Variants in SOCS4 observed in about 807,000 individuals in gnomAD.
SOCS4 encodes SH2 domain containing SOCS box protein.
A neutral mutation model predicts 34.1 loss-of-function variants in SOCS4; 20 were observed. The ratio of observed to expected loss-of-function variants is 0.59; its 90% confidence interval spans 0.41 to 0.85. The LOEUF (loss-of-function observed/expected upper bound fraction) is 0.85. SOCS4 is among the 40% of genes least tolerant of loss of function. The probability of loss-of-function intolerance (pLI) is 0.00; values close to 1 mark genes in which losing one functional copy is unlikely to be tolerated. For synonymous variants in SOCS4, 180 were observed against 186.4 expected (o/e 0.97, Z 0.28); for missense variants, 479 against 532.4 (o/e 0.90, Z 0.99).
chr14:55,028,516 T>G (rs1352108377), intron 1 of SOCS4, among the ~76,000 whole-genome samples: 1 of 152,172 alleles, frequency 6.6e-6, no homozygotes, highest in Non-Finnish European at 1.5e-5. Flanking sequence ...GAGTTCAAGA[T>G]GAACTCTCAT....
Position 55,043,070 on chromosome 14 carries a change from A to C in SOCS4, c.29A>C (p.Lys10Thr). Residue 10 changes from lysine to threonine, a missense_variant, in exon 3 of 3, where the codon AAA becomes ACA. Transcript: ENST00000555846. ...GCAGAAAATAATGAAAATATTAGTA[A>C]AAATGTAGATGTAAGGCCCAAAACT... MAENNENIS[K>T]NVDVRPKTSR... The C allele has an allele frequency of 6.2e-7, 1 of 1,607,148 alleles. No homozygotes were observed. The highest frequency in any genetic ancestry group is 1.3e-5 in the African/African-American group (1 of 74,516).
rs1408607559 is a variant in SOCS4, at chr14:55,043,536, C to A, written c.495C>A (p.Asp165Glu). The A allele has an allele frequency of 1.2e-6, 2 of 1,614,026 alleles. No homozygotes were observed. The highest frequency in any genetic ancestry group is 1.7e-6 in the Non-Finnish European group (2 of 1,180,036). The change falls in exon 3 of 3, where the codon GAC becomes GAA. Residue 165 changes from aspartate (D) to glutamate (E), a missense_variant. Physicochemically the swap from Asp to Glu is conservative, Grantham distance 45. Transcript: ENST00000555846. ...AATCAGATGAATGGGTAAGCACAGA[C>A]TTGTCTCAGACTGAATTGAGGGATG... ...NSKSDEWVST[D>E]LSQTELRDGQ... is the part of the protein sequence containing the mutation.
At chr14:55,041,507 C>G (rs1349785129) in intron 2 of SOCS4, among the ~76,000 whole-genome samples, 1 of 151,248 alleles carries the variant, frequency 6.6e-6, no homozygotes. Context: ...AAGACAGAGT[C>G]TTGCTCTGTC....
chr14:55,030,201 T>C (rs1466795975), intron 1 of SOCS4, among the ~76,000 whole-genome samples: 11 of 152,166 alleles, frequency 7.2e-5, no homozygotes, highest in Admixed American at 7.2e-4. Flanking sequence ...TTTACTAATT[T>C]GTACGTAAAA....
intron 2 of SOCS4, among the ~76,000 whole-genome samples, chr14:55,040,562 G>A (rs1288944277): frequency 6.6e-6 from 1 of 152,102 alleles, no homozygotes; most frequent in East Asian, 1.9e-4. Flanking sequence ...GGCTAACACA[G>A]TGAAACCCCG....
Position 55,044,252 on chromosome 14 carries a change from A to G in SOCS4, c.1211A>G (p.Asp404Gly), listed in dbSNP as rs200297224. 8.7e-5 allele frequency: 141 copies of G among 1,613,946 alleles called. No individual in the cohort carries two copies. Among genetic ancestry groups the G allele is most frequent in the Non-Finnish European group, 1.1e-4 (127 of 1,179,954 alleles). The change falls in exon 3 of 3, where the codon GAT (aspartate) becomes GGT (glycine). Residue 404 changes from aspartate (D) to glycine (G), a missense_variant. Coordinates refer to ENST00000555846, the MANE Select transcript of SOCS4 (RefSeq NM_199421.2). ...GTTATTTGTAACTGTACAACTTATG[A>G]TGGCATCGATGCCCTTCCAATTCCT... ...RTVICNCTTY[D>G]GIDALPIPSS...
intron 1 of SOCS4, among the ~76,000 whole-genome samples, chr14:55,028,764 A>C (rs376280112): frequency 6.6e-6 from 1 of 152,176 alleles, no homozygotes; most frequent in Non-Finnish European, 1.5e-5. Flanking sequence ...TTTTGCATGT[A>C]TGGTAAAAGC....
chr14:55,041,792 T>G (rs1428741291), intron 2 of SOCS4, among the ~76,000 whole-genome samples: 1 of 106,982 alleles, frequency 9.3e-6, no homozygotes, highest in East Asian at 2.4e-4. Flanking sequence ...TCTTTTTTTT[T>G]TTTTTTTTTT....
intron 2 of SOCS4, among the ~76,000 whole-genome samples, chr14:55,039,908 G>A (rs2042602992): frequency 6.6e-6 from 1 of 151,854 alleles, no homozygotes; most frequent in African/African-American, 2.4e-5. Context: ...AAAAGAAAAA[G>A]AAAAAAAGAA....
chr14:55,040,731 G>A (rs1188308623), intron 2 of SOCS4, among the ~76,000 whole-genome samples: 2 of 151,602 alleles, frequency 1.3e-5, no homozygotes, highest in Non-Finnish European at 2.9e-5. Context: ...GCGACAGAGC[G>A]AGACTCCATC....
Position 55,048,586 on chromosome 14 carries a change from T to C in SOCS4, c.*4222T>C, listed in dbSNP as rs75743211. 0.037 allele frequency: 6,164 copies of C among 167,166 alleles called. 149 individuals carry two copies. The highest frequency in any genetic ancestry group is 0.062 in the South Asian group (299 of 4,826). 10.4% of individuals were successfully genotyped at this position (167,166 alleles called of 1,614,324 possible). A position where few individuals can be genotyped will look rare whatever the true frequency, so the allele number is the denominator to read the frequency against. ...GAAATGAGCAGTGCAAGAGTCTACC[T>C]GTACTATTCTAATACAGTAAGATAT... is the stretch of plus-strand genomic sequence containing the variant. On this transcript the variant is annotated 3_prime_UTR_variant, in exon 3 of 3. Coordinates refer to ENST00000555846, the MANE Select transcript of SOCS4 (RefSeq NM_199421.2).
intron 2 of SOCS4, among the ~76,000 whole-genome samples, chr14:55,041,781 A>ATT (rs2042620490): frequency 1.4e-5 from 1 of 72,872 alleles, no homozygotes; most frequent in Admixed American, 1.4e-4. Flanking sequence ...CCAACCCTTA[A>ATT]TCTTTTTTTT....
chr14:55,037,491 CT>C (rs907710336), intron 2 of SOCS4, among the ~76,000 whole-genome samples: 19 of 150,220 alleles, frequency 1.3e-4, no homozygotes, highest in African/African-American at 3.9e-4. Context: ...GTCTCCACCT[CT>C]TTTTTTTTAT....
chr14:55,031,138 A>G (rs2042525252), intron 1 of SOCS4, among the ~76,000 whole-genome samples: 1 of 152,172 alleles, frequency 6.6e-6, no homozygotes, highest in African/African-American at 2.4e-5. Context: ...AATTTATTCC[A>G]TAAAATGGTT....
chr14:55,044,032 C>T lies in SOCS4; in HGVS notation c.991C>T (p.Leu331Phe). Reference sequence around the variant, plus strand: ...TAGTTTTAGACGCTATAGTCGTTCTCTTCATGCTAGAATTGAACAGTGGAA... The same window carrying T: ...TAGTTTTAGACGCTATAGTCGTTCTTTTCATGCTAGAATTGAACAGTGGAA... Reference protein sequence around the residue: ...SVSFRRYSRSLHARIEQWNHN... With the variant: ...SVSFRRYSRSFHARIEQWNHN... The change falls in exon 3 of 3, where the codon CTT (leucine) becomes TTT (phenylalanine). Residue 331 changes from leucine to phenylalanine, a missense_variant. Coordinates refer to ENST00000555846, the MANE Select transcript of SOCS4 (RefSeq NM_199421.2). The T allele has an allele frequency of 1.2e-6, 2 of 1,614,140 alleles. No individual in the cohort carries two copies. The highest frequency in any genetic ancestry group is 1.7e-6 in the Non-Finnish European group (2 of 1,180,000).
In SOCS4 at chr14:55,045,760, A is replaced by G. The variant is rs2042670010; in HGVS notation, c.*1396A>G. On this transcript the variant is annotated 3_prime_UTR_variant, in exon 3 of 3. Coordinates refer to ENST00000555846, the MANE Select transcript of SOCS4 (RefSeq NM_199421.2). ...GTGAGCTGTCTAACCCTTTGTACACATTGACATTTTTAATATCGTAACTGA... is the reference window on the plus strand; with the variant it reads ...GTGAGCTGTCTAACCCTTTGTACACGTTGACATTTTTAATATCGTAACTGA... 2 of 166,956 alleles carry G rather than the reference A, an allele frequency of 1.2e-5. No homozygotes were observed. Among genetic ancestry groups the G allele is most frequent in the South Asian group, 4.1e-4 (2 of 4,838 alleles). The allele number at this position is 166,956 out of a possible 1,614,324, so 10.3% of individuals were successfully genotyped here. A position where few individuals can be genotyped will look rare whatever the true frequency, so the allele number is the denominator to read the frequency against.
chr14:55,027,811 C>T (rs531265449), intron 1 of SOCS4: 3 of 152,298 alleles, frequency 2.0e-5, no homozygotes, highest in Admixed American at 2.0e-4. Flanking sequence ...TCTATATATC[C>T]GTTATGAAGA....
chr14:55,047,874 A>G lies in SOCS4; in HGVS notation c.*3510A>G, dbSNP rs2042690840. 1.2e-5 allele frequency: 2 copies of G among 167,242 alleles called. No homozygotes were observed. The highest frequency in any genetic ancestry group is 2.1e-4 in the South Asian group (1 of 4,832). The allele number at this position is 167,242 out of a possible 1,614,324, so 10.4% of individuals were successfully genotyped here. A position where few individuals can be genotyped will look rare whatever the true frequency, so the allele number is the denominator to read the frequency against. On this transcript the variant is annotated 3_prime_UTR_variant, in exon 3 of 3. Coordinates refer to ENST00000555846, the MANE Select transcript of SOCS4 (RefSeq NM_199421.2). Reference sequence around the variant, plus strand: ...CTGTCTCTGAAGTTTGGATCATTTTATAGATCCACGCAATAGAGAGCTTCC... The same window carrying G: ...CTGTCTCTGAAGTTTGGATCATTTTGTAGATCCACGCAATAGAGAGCTTCC...
At chr14:55,034,114 C>G (rs1271146456) in intron 2 of SOCS4, among the ~76,000 whole-genome samples, 3 of 152,122 alleles carry the variant, frequency 2.0e-5, no homozygotes, top group Non-Finnish European at 4.4e-5. Context: ...CCCTGGGTGA[C>G]AGTGAGACCC....
Sources: gnomAD v4.1 joint callset for allele counts (sites outside exome capture counted in the v4.1 genomes callset) on GRCh38, gnomAD v4.1.1 for gene constraint, MANE v1.5 for transcripts, NCBI Gene and HGNC (gene_info 2026-07-23, HGNC 2026-07-21) for gene names.